Variants in ATP6V0A4 observed in about 807,000 individuals in gnomAD.
ATP6V0A4 encodes V-type proton ATPase 116 kDa subunit a 4.
Under a neutral mutation model 107.3 loss-of-function variants are expected in ATP6V0A4, and 86 were observed. The ratio of observed to expected loss-of-function variants is 0.80; its 90% CI spans 0.67 to 0.96. The LOEUF (loss-of-function observed/expected upper bound fraction) is 0.96. Ranked by LOEUF, ATP6V0A4 falls within the 40% of genes least tolerant of loss-of-function variation. The pLI is 0.00. For missense variants in ATP6V0A4, 908 were observed against 1,045.6 expected (o/e 0.87, Z 1.81); for synonymous variants, 353 against 381.4 (o/e 0.93, Z 0.87).
intron 2 of ATP6V0A4, among the ~76,000 whole-genome samples, chr7:138,781,322 C>CTT (rs113113605): frequency 8.8e-5 from 13 of 148,258 alleles, no homozygotes; most frequent in African/African-American, 2.5e-4. Context: ...TTCAGATTTT[C>CTT]TTTTTTTTTT....
chr7:138,748,138 C>CA (rs60700245), intron 12 of ATP6V0A4, among the ~76,000 whole-genome samples: 208 of 142,604 alleles, frequency 1.5e-3, no homozygotes, highest in South Asian at 2.0e-3. Context: ...ATCACAAAGT[C>CA]AAAAAAAAAA....
Position 138,706,636 on chromosome 7 carries a change from T to C in ATP6V0A4, c.2511A>G (p.Thr837=). The change falls in exon 22 of 22, where the codon ACA becomes ACG. Residue 837 remains threonine (T), a synonymous_variant. Transcript: ENST00000310018. ...PFSFKHILDG[T]AEE ...TGCAGCCCTCAGCCTACTCCTCGGC[T>C]GTGCCATCCAGGATGTGTTTAAAGG... is the stretch of plus-strand genomic sequence containing the variant. 6.2e-7 allele frequency: 1 copy of C among 1,613,990 alleles called. No individual in the cohort carries two copies. The highest frequency in any genetic ancestry group is 1.1e-5 in the South Asian group (1 of 91,082).
intron 19 of ATP6V0A4, among the ~76,000 whole-genome samples, chr7:138,720,572 T>G (rs896618209): frequency 6.6e-6 from 1 of 152,210 alleles, no homozygotes; most frequent in Non-Finnish European, 1.5e-5. Context: ...TGGATCACTC[T>G]GTACCTAGAA....
intron 15 of ATP6V0A4, among the ~76,000 whole-genome samples, 178 bp downstream of exon 15, chr7:138,739,362 G>A (rs562814307): frequency 6.6e-6 from 1 of 152,340 alleles, no homozygotes; most frequent in Admixed American, 6.5e-5. Context: ...GGTAGAAGGT[G>A]TAGACAGAAC....
intron 14 of ATP6V0A4, among the ~76,000 whole-genome samples, chr7:138,744,534 A>G (rs7783999): frequency 0.52 from 78,434 of 150,604 alleles, 21,515 homozygotes; most frequent in East Asian, 0.81. Context: ...CACCGTGCCC[A>G]GCCTCTCATT....
At chr7:138,742,918 A>AAAAT (rs1165108383) in intron 14 of ATP6V0A4, among the ~76,000 whole-genome samples, 3 of 150,310 alleles carry the variant, frequency 2.0e-5, no homozygotes, top group African/African-American at 7.4e-5. Flanking sequence ...AAAAAAAATC[A>AAAAT]CAGATATAGC....
chr7:138,795,845 G>C (rs1272060573), intron 1 of ATP6V0A4, among the ~76,000 whole-genome samples: 1 of 152,066 alleles, frequency 6.6e-6, no homozygotes, highest in Non-Finnish European at 1.5e-5. Flanking sequence ...TGCGGAGGCA[G>C]GGTCTTACTA....
At chr7:138,707,543 A>C (rs1052954011) in intron 21 of ATP6V0A4, among the ~76,000 whole-genome samples, 12 of 148,904 alleles carry the variant, frequency 8.1e-5, no homozygotes, top group Non-Finnish European at 1.6e-4. Context: ...CTGGGATTAC[A>C]GATGCCCACC....
chr7:138,759,992 C>G, intron 7 of ATP6V0A4, 114 bp from the exon 8 acceptor site: 4 of 1,569,244 alleles, frequency 2.5e-6, no homozygotes, highest in Non-Finnish European at 3.5e-6. Flanking sequence ...ACTCTGTGAG[C>G]AGGAGGGACC....
chr7:138,735,150 G>A (rs957289279), intron 15 of ATP6V0A4, among the ~76,000 whole-genome samples: 1 of 152,074 alleles, frequency 6.6e-6, no homozygotes, highest in Non-Finnish European at 1.5e-5. Flanking sequence ...TCGTGCAGGG[G>A]GCTGGTGGGT....
At chr7:138,768,938 G>T (rs566922446) in intron 4 of ATP6V0A4, 64 bp from the exon 5 acceptor site, 205 of 1,602,806 alleles carry the variant, frequency 1.3e-4, no homozygotes, top group South Asian at 1.2e-3. Context: ...TAAGAAATGA[G>T]GTCAAGCAAG....
intron 2 of ATP6V0A4, among the ~76,000 whole-genome samples, chr7:138,784,223 T>TATATAC (rs1808044420): frequency 3.4e-5 from 3 of 87,212 alleles, no homozygotes; most frequent in African/African-American, 1.9e-4. Context: ...ATTATATATA[T>TATATAC]ATATATATAT....
At chr7:138,764,307 G>A (rs76749822) in intron 5 of ATP6V0A4, among the ~76,000 whole-genome samples, 3,236 of 151,998 alleles carry the variant, frequency 0.021, 157 homozygotes, top group African/African-American at 0.073. Context: ...TACACAGGGC[G>A]ACAGACACAT....
At chr7:138,753,756 A>G (rs927075246) in intron 10 of ATP6V0A4, among the ~76,000 whole-genome samples, 15 of 152,314 alleles carry the variant, frequency 9.8e-5, no homozygotes, top group African/African-American at 2.9e-4. Flanking sequence ...CACAAGCCCA[A>G]TACTACCTGT....
At chr7:138,737,498 G>A (rs1356833174) in intron 15 of ATP6V0A4, among the ~76,000 whole-genome samples, 1 of 151,524 alleles carries the variant, frequency 6.6e-6, no homozygotes, top group African/African-American at 2.4e-5. Flanking sequence ...ATACAGACGT[G>A]TTCTGTTAAA....
rs371799852 is a variant in ATP6V0A4, at chr7:138,749,228, T to C, written c.1119A>G (p.Thr373=). 36 of 1,613,886 alleles carry C rather than the reference T, an allele frequency of 2.2e-5. No homozygotes were observed. The African/African-American group carries it at 4.5e-4, about 20-fold the overall frequency. Residue 373 remains threonine (T), a synonymous_variant, in exon 12 of 22, where the codon ACA becomes ACG. Transcript: ENST00000310018. ...CATCAACAATATTCTGGAAGCCAGC[T>C]GTGAATTTATTGGTCCTGTTAAATG... ...PPTFNRTNKF[T]AGFQNIVDAY...
At chr7:138,745,014 T>C in intron 14 of ATP6V0A4, 109 bp downstream of exon 14, 2 of 1,053,852 alleles carry the variant, frequency 1.9e-6, no homozygotes, top group African/African-American at 1.6e-5. Flanking sequence ...ATTTGAATTT[T>C]CAAGTGCACC....
intron 18 of ATP6V0A4, 111 bp downstream of exon 18, chr7:138,728,650 A>G: frequency 1.4e-6 from 2 of 1,477,794 alleles, no homozygotes; most frequent in East Asian, 4.5e-5. Context: ...CCTCAACACC[A>G]TTCTTCTGGC....
Position 138,777,384 on chromosome 7 carries a change from G to A in ATP6V0A4, c.-17-6120C>T, listed in dbSNP as rs933099704. ...CATCCCAGCACTTTGGGAGGCTGAG[G>A]TGGGTGGATCACCTGAGGTCAGGAG... On this transcript the variant is annotated intron_variant, in intron 2 of 21. Transcript: ENST00000310018. Among the ~76,000 whole-genome samples the A allele has an allele frequency of 2.0e-5, 3 of 151,924 alleles. No individual in the cohort carries two copies. The South Asian group carries it at 6.2e-4, about 31-fold the overall frequency.
Sources: allele counts gnomAD v4.1 joint callset (sites outside exome capture counted in the v4.1 genomes callset), GRCh38; gene constraint gnomAD v4.1.1; transcripts MANE v1.5; gene names NCBI Gene and HGNC (gene_info 2026-07-23, HGNC 2026-07-21).